INSYN2A: variants seen among roughly 807,000 people sequenced by gnomAD.
INSYN2A encodes inhibitory synaptic factor 2A, also known as family with sequence similarity 196 member A.
In INSYN2A, 17 loss-of-function variants were observed where a neutral mutation model predicts 39.4. That is an observed-to-expected ratio of 0.43 (90% CI 0.30 to 0.65). The LOEUF is 0.65. Ranked by LOEUF, INSYN2A falls within the 30% of genes least tolerant of loss-of-function variation. The probability of loss-of-function intolerance (pLI) is 0.14; values close to 1 mark genes in which losing one functional copy is unlikely to be tolerated. For synonymous variants in INSYN2A, 255 were observed against 265.7 expected (o/e 0.96, Z 0.39); for missense variants, 595 against 631.2 (o/e 0.94, Z 0.61).
In INSYN2A at chr10:127,174,832, CCTCTT is replaced by C. The variant is rs2054928132; in HGVS notation, c.1184+375_1184+379del. On this transcript the variant is annotated intron_variant, in intron 4 of 5. Transcript: ENST00000522781. The stretch of plus-strand genomic sequence containing the variant: ...AATACGATTCCTAAGAGGCCTGTGG[CCTCTT>C]CTCTTCCTGATTCTCTTCTTATTTA... Among the ~76,000 whole-genome samples the C allele has an allele frequency of 2.0e-5, 3 of 152,324 alleles. No homozygotes were observed. In the South Asian group the frequency reaches 6.2e-4, roughly 32 times the overall value.
At chr10:127,191,836 T>C (rs1263228133) in intron 2 of INSYN2A, among the ~76,000 whole-genome samples, 1 of 152,152 alleles carries the variant, frequency 6.6e-6, no homozygotes, top group Non-Finnish European at 1.5e-5. Context: ...AACCCCTGCT[T>C]TGGGATATAG....
chr10:127,194,768 T>G (rs965567394), intron 1 of INSYN2A, among the ~76,000 whole-genome samples: 5 of 152,152 alleles, frequency 3.3e-5, no homozygotes, highest in African/African-American at 1.2e-4. Flanking sequence ...TATCCTGAGC[T>G]GTAGTCTTCT....
At chr10:127,138,644 A>G (rs1047154353) in intron 5 of INSYN2A, among the ~76,000 whole-genome samples, 1 of 152,170 alleles carries the variant, frequency 6.6e-6, no homozygotes, top group South Asian at 2.1e-4. Flanking sequence ...TACTAACCAC[A>G]GTTTCTTTGG....
chr10:127,138,056 A>T, intron 5 of INSYN2A, 36 bp from the exon 6 acceptor site: 1 of 1,551,304 alleles, frequency 6.4e-7, no homozygotes, highest in Non-Finnish European at 8.7e-7. Flanking sequence ...TTAGCATTTG[A>T]TCTTTTCCAT....
At chr10:127,190,234 C>A (rs1184113277) in intron 2 of INSYN2A, among the ~76,000 whole-genome samples, 1 of 152,186 alleles carries the variant, frequency 6.6e-6, no homozygotes, top group Non-Finnish European at 1.5e-5. Context: ...TGGTAAAGAA[C>A]CCAACCCTTT....
chr10:127,150,191 G>C (rs969544729), intron 5 of INSYN2A, among the ~76,000 whole-genome samples: 2 of 152,096 alleles, frequency 1.3e-5, no homozygotes, highest in Non-Finnish European at 2.9e-5. Flanking sequence ...ACCTGAATAG[G>C]TGACTCCTCC....
intron 2 of INSYN2A, among the ~76,000 whole-genome samples, chr10:127,178,074 C>T (rs1165197756): frequency 1.3e-5 from 2 of 152,074 alleles, no homozygotes; most frequent in African/African-American, 4.8e-5. Flanking sequence ...CCGAGGTGCA[C>T]GGTGGTTCCA....
chr10:127,179,848 G>A (rs2055556281), intron 2 of INSYN2A, among the ~76,000 whole-genome samples: 1 of 152,174 alleles, frequency 6.6e-6, no homozygotes, highest in African/African-American at 2.4e-5. Flanking sequence ...GCAGTTAAGT[G>A]CTCCTATGTG....
Position 127,175,452 on chromosome 10 carries a change from G to A in INSYN2A, c.944C>T (p.Ser315Phe). 1 of 1,611,490 alleles carries A rather than the reference G, an allele frequency of 6.2e-7. No homozygotes were observed. The highest frequency in any genetic ancestry group is 1.3e-5 in the African/African-American group (1 of 75,064). The change falls in exon 4 of 6, where the codon TCC becomes TTC. Residue 315 changes from serine (S) to phenylalanine (F), a missense_variant. Physicochemically the swap from Ser to Phe is radical, Grantham distance 155. Around this residue, in one of 2 missense-constraint regions of INSYN2A, gnomAD observed 478 missense variants for 467.4 expected, o/e 1.02. Transcript: ENST00000522781. This position sits in a 1 kb window ranked among gnomAD's most constrained non-coding sequence, Gnocchi z 6.3. ...LACSPPMQCLSPECSEQPSQT... is the reference protein window; with the variant it reads ...LACSPPMQCLFPECSEQPSQT... ...CGACGGCTGCTCACTACATTCGGGG[G>A]ACAGGCACTGCATCGGGGGTGAGCA... is the stretch of plus-strand genomic sequence containing the variant.
chr10:127,187,384 G>T (rs1564884529), intron 2 of INSYN2A, among the ~76,000 whole-genome samples: 1 of 152,142 alleles, frequency 6.6e-6, no homozygotes, highest in Non-Finnish European at 1.5e-5. Flanking sequence ...ATTCTCTGTG[G>T]ACTTGAGCAT....
chr10:127,195,395 C>A (rs768256672), intron 1 of INSYN2A, among the ~76,000 whole-genome samples: 1 of 152,204 alleles, frequency 6.6e-6, no homozygotes, highest in Non-Finnish European at 1.5e-5. Flanking sequence ...CCGACCCCAA[C>A]CCGCAGCCCC....
At chr10:127,140,664 C>G (rs915507889) in intron 5 of INSYN2A, among the ~76,000 whole-genome samples, 1 of 137,936 alleles carries the variant, frequency 7.2e-6, no homozygotes, top group African/African-American at 3.6e-5. Flanking sequence ...TTTGACACAC[C>G]GAGTCTCTGG....
intron 5 of INSYN2A, chr10:127,145,982 G>T: frequency 1.9e-6 from 1 of 515,276 alleles, no homozygotes; most frequent in Non-Finnish European, 3.9e-6. Flanking sequence ...ACCTGCCCTG[G>T]GGACCCCGCA....
intron 4 of INSYN2A, among the ~76,000 whole-genome samples, chr10:127,163,117 G>T (rs1203380884): frequency 6.6e-6 from 1 of 152,188 alleles, no homozygotes; most frequent in Non-Finnish European, 1.5e-5. Flanking sequence ...CCATGCCACT[G>T]TGGAATCTGA....
intron 4 of INSYN2A, among the ~76,000 whole-genome samples, chr10:127,161,205 C>T (rs948843729): frequency 6.6e-6 from 1 of 152,208 alleles, no homozygotes; most frequent in Non-Finnish European, 1.5e-5. Flanking sequence ...ACCATATACT[C>T]ATGGAAACGC....
intron 1 of INSYN2A, among the ~76,000 whole-genome samples, chr10:127,194,365 A>G (rs781594980): frequency 2.0e-4 from 30 of 152,164 alleles, no homozygotes; most frequent in Non-Finnish European, 3.8e-4. Flanking sequence ...CAGGACTTCC[A>G]TTTTTTCTTT....
Position 127,137,828 on chromosome 10 carries a change from C to T in INSYN2A, c.*9G>A. The T allele has an allele frequency of 6.2e-7, 1 of 1,609,636 alleles. No homozygotes were observed. Among genetic ancestry groups the T allele is most frequent in the Non-Finnish European group, 8.5e-7 (1 of 1,178,626 alleles). ...AAAGACGGCCTCGAGACTCCAGACA[C>T]CGTGAGTGTTAAAGGAACCAGAGTT... On this transcript the variant is annotated 3_prime_UTR_variant, in exon 6 of 6. Transcript: ENST00000522781.
chr10:127,153,287 G>A (rs2052692214), intron 5 of INSYN2A, among the ~76,000 whole-genome samples: 1 of 152,166 alleles, frequency 6.6e-6, no homozygotes, highest in African/African-American at 2.4e-5. Context: ...TTCCTGTTGG[G>A]AGTTTCTGCT....
chr10:127,152,642 T>C (rs1239669257), intron 5 of INSYN2A, among the ~76,000 whole-genome samples: 1 of 152,238 alleles, frequency 6.6e-6, no homozygotes, highest in African/African-American at 2.4e-5. Context: ...CAGCATAGGA[T>C]GTCAGCAGCA....
Sources: allele counts gnomAD v4.1 joint callset (sites outside exome capture counted in the v4.1 genomes callset), GRCh38; gene constraint gnomAD v4.1.1; regional missense constraint gnomAD v4.1.1; non-coding constraint Gnocchi (gnomAD v3.1); transcripts MANE v1.5; gene names NCBI Gene and HGNC (gene_info 2026-07-23, HGNC 2026-07-21).